Variants in ARHGEF2 observed in about 807,000 individuals in gnomAD.
ARHGEF2 encodes the protein Rho/Rac guanine nucleotide exchange factor 2, also known as rho guanine nucleotide exchange factor 2.
A neutral mutation model predicts 121.0 loss-of-function variants in ARHGEF2; 22 were observed. The ratio of observed to expected loss-of-function variants is 0.18; its 90% CI spans 0.13 to 0.26. The LOEUF is 0.26. ARHGEF2 is among the 10% of genes least tolerant of loss of function. The pLI, the probability that ARHGEF2 is intolerant of heterozygous loss-of-function variation, is 1.00. For missense variants in ARHGEF2, 907 were observed against 1,336.0 expected (o/e 0.68, Z 5.01); for synonymous variants, 487 against 530.0 (o/e 0.92, Z 1.11).
chr1:155,947,175 A>ATAGG lies in ARHGEF2; in HGVS notation c.*763_*766dup. ...CCTCAACTTCTTCAGAGATGTGGAG[A>ATAGG]TAGGAGGCTTCGATCTCTAATTGCC... On this transcript the variant is annotated 3_prime_UTR_variant, in exon 22 of 22. Transcript: ENST00000361247. 1 of 362,598 alleles carries ATAGG rather than the reference A, an allele frequency of 2.8e-6. No homozygotes were observed. The highest frequency in any genetic ancestry group is 5.4e-6 in the Non-Finnish European group (1 of 183,730). The allele number at this position is 362,598 out of a possible 1,614,324, so 22.5% of individuals were successfully genotyped here. A position where few individuals can be genotyped will look rare whatever the true frequency, so the allele number is the denominator to read the frequency against.
chr1:155,967,916 G>T (rs1679736409), intron 2 of ARHGEF2, among the ~76,000 whole-genome samples: 1 of 152,100 alleles, frequency 6.6e-6, no homozygotes, highest in African/African-American at 2.4e-5. Flanking sequence ...AGGCAAACAG[G>T]GTGGAGCAGA....
At chr1:155,964,176 A>ATATATATATATATG (rs1678773130) in intron 7 of ARHGEF2, among the ~76,000 whole-genome samples, 2 of 95,520 alleles carry the variant, frequency 2.1e-5, no homozygotes, top group Non-Finnish European at 3.8e-5. Context: ...AAATATATAT[A>ATATATATATATATG]TATATATATA....
chr1:155,962,875 C>T lies in ARHGEF2; in HGVS notation c.975+58G>A, dbSNP rs1401787216. The T allele has an allele frequency of 5.6e-6, 9 of 1,608,328 alleles. No individual in the cohort carries two copies. The Admixed American group carries it at 1.5e-4, about 27-fold the overall frequency. On this transcript the variant is annotated intron_variant, in intron 8 of 21. Transcript: ENST00000361247. The surrounding 1 kb of genome is among the most constrained non-coding windows in gnomAD (Gnocchi z 5.8). ...CCCTAGAATTTGGACCCAAGAAATGCCCAACCCAGTCACACCTCCTTCCAT... is the reference window on the plus strand; with the variant it reads ...CCCTAGAATTTGGACCCAAGAAATGTCCAACCCAGTCACACCTCCTTCCAT...
intron 1 of ARHGEF2, 98 bp from the exon 2 acceptor site, chr1:155,969,398 G>C (rs1176309096): frequency 3.2e-6 from 5 of 1,551,776 alleles, no homozygotes; most frequent in Non-Finnish European, 4.4e-6. Flanking sequence ...AGGAAAAAAT[G>C]CCAGCCTGAG....
chr1:155,964,180 A>ACG (rs1678791221), intron 7 of ARHGEF2, among the ~76,000 whole-genome samples: 2 of 101,578 alleles, frequency 2.0e-5, no homozygotes, highest in Admixed American at 2.6e-4. Context: ...ATATATATAT[A>ACG]TATATATATA....
Position 155,952,715 on chromosome 1 carries a change from G to T in ARHGEF2, c.1897C>A (p.Leu633Met). The change falls in exon 15 of 22, where the codon CTG (leucine) becomes ATG (methionine). Residue 633 changes from leucine to methionine, a missense_variant. Leu to Met is a conservative substitution (Grantham distance 15). This residue lies in a region of ARHGEF2 where 432 missense variants were observed against 559.5 expected (regional missense o/e 0.77). Coordinates refer to ENST00000361247, the MANE Select transcript of ARHGEF2 (RefSeq NM_001162383.2). The part of the protein sequence containing the change: ...AEEDGGSGMA[L>M]PTLPRGLFRS... ...AAAAGGCCCCTGGGCAGGGTGGGCA[G>T]GGCCATCCCACTGCCACCATCCTCT... is the stretch of plus-strand genomic sequence containing the variant. 1 of 1,614,228 alleles carries T rather than the reference G, an allele frequency of 6.2e-7. No individual in the cohort carries two copies. Among genetic ancestry groups the T allele is most frequent in the Non-Finnish European group, 8.5e-7 (1 of 1,180,040 alleles).
intron 1 of ARHGEF2, among the ~76,000 whole-genome samples, chr1:155,977,231 G>A (rs562500281): frequency 5.9e-5 from 9 of 152,202 alleles, no homozygotes; most frequent in South Asian, 2.1e-4. Flanking sequence ...GGTACAGTGC[G>A]GGGGCCCCAA....
At position 155,965,453 on chromosome 1, in the gene ARHGEF2, C is replaced by T. The variant is rs2297649; in HGVS notation, c.471-41G>A. The stretch of plus-strand genomic sequence containing the variant: ...GCTGTCTGCATCACCCCCAGTCGGG[C>T]AAAAGATCCCTTCCCAGGTAGGGAA... On this transcript the variant is annotated intron_variant, in intron 5 of 21. Coordinates refer to ENST00000361247, the MANE Select transcript of ARHGEF2 (RefSeq NM_001162383.2). The surrounding 1 kb of genome is among the most constrained non-coding windows in gnomAD (Gnocchi z 6.0). 6.2e-7 allele frequency: 1 copy of T among 1,604,184 alleles called. No individual in the cohort carries two copies. Among genetic ancestry groups the T allele is most frequent in the Non-Finnish European group, 8.5e-7 (1 of 1,171,564 alleles).
chr1:155,965,587 C>T lies in ARHGEF2; in HGVS notation c.470+44G>A, dbSNP rs1181607424. 1.2e-6 allele frequency: 2 copies of T among 1,611,524 alleles called. No homozygotes were observed. The highest frequency in any genetic ancestry group is 8.5e-7 in the Non-Finnish European group (1 of 1,179,696). On this transcript the variant is annotated intron_variant, in intron 5 of 21. Coordinates refer to ENST00000361247, the MANE Select transcript of ARHGEF2 (RefSeq NM_001162383.2). The surrounding 1 kb of genome is among the most constrained non-coding windows in gnomAD (Gnocchi z 6.0). ...CCTCTCAGCACCCCCTTGGCCTCCA[C>T]TGCCACACTCTCTGGCTGCCCCTTT... is the stretch of plus-strand genomic sequence containing the variant.
At position 155,951,032 on chromosome 1, in the gene ARHGEF2, T is replaced by C. The variant is rs1291202135; in HGVS notation, c.2500A>G (p.Ser834Gly). ...CTCTCCCGGAGCCGGGCCTCCAGGCTGCCAGCTTCGGTTGCCCGTTCTTCA... is the reference window on the plus strand; with the variant it reads ...CTCTCCCGGAGCCGGGCCTCCAGGCCGCCAGCTTCGGTTGCCCGTTCTTCA... ...LGEERATEAG[S>G]LEARLRESEQ... is the part of the protein sequence containing the mutation. The change falls in exon 20 of 22, where the codon AGC (serine) becomes GGC (glycine). Residue 834 changes from serine (S) to glycine (G), a missense_variant. Ser to Gly is a moderately conservative substitution (Grantham distance 56). Coordinates refer to ENST00000361247, the MANE Select transcript of ARHGEF2 (RefSeq NM_001162383.2). The surrounding 1 kb of genome is among the most constrained non-coding windows in gnomAD (Gnocchi z 5.1). The C allele has an allele frequency of 6.2e-7, 1 of 1,604,072 alleles. No individual in the cohort carries two copies. Among genetic ancestry groups the C allele is most frequent in the South Asian group, 1.1e-5 (1 of 90,398 alleles).
chr1:155,964,174 A>AAATG, intron 7 of ARHGEF2, among the ~76,000 whole-genome samples: 1 of 78,746 alleles, frequency 1.3e-5, no homozygotes, highest in Non-Finnish European at 2.2e-5. Context: ...AAAAATATAT[A>AAATG]TATATATATA....
chr1:155,966,340 G>A (rs1422912785), intron 4 of ARHGEF2, 76 bp downstream of exon 4: 1 of 1,422,106 alleles, frequency 7.0e-7, no homozygotes. Flanking sequence ...AACCTTAGTG[G>A]GGCAGCAGAG....
intron 7 of ARHGEF2, among the ~76,000 whole-genome samples, chr1:155,963,507 G>A (rs527783137): frequency 5.2e-4 from 79 of 151,170 alleles, no homozygotes; most frequent in Admixed American, 1.3e-3. Flanking sequence ...CACCAGGCCC[G>A]GCTAATTTTT....
rs1679185593 is a variant in ARHGEF2 at position 155,965,486 on chromosome 1, CAG to C, written c.471-76_471-75del. 1.9e-6 allele frequency: 3 copies of C among 1,599,884 alleles called. No homozygotes were observed. The South Asian group carries it at 3.3e-5, about 18-fold the overall frequency. ...CCCTTCCCAGGTAGGGAACCAAAGCCAGGATCCAAGAGGCGGTCCCCCTAAGT... is the reference window on the plus strand; with the variant it reads ...CCCTTCCCAGGTAGGGAACCAAAGCCGATCCAAGAGGCGGTCCCCCTAAGT... On this transcript the variant is annotated intron_variant, in intron 5 of 21. Transcript: ENST00000361247. This position sits in a 1 kb window ranked among gnomAD's most constrained non-coding sequence, Gnocchi z 6.0.
chr1:155,967,255 A>G (rs1261630061), intron 2 of ARHGEF2, among the ~76,000 whole-genome samples: 1 of 152,184 alleles, frequency 6.6e-6, no homozygotes, highest in African/African-American at 2.4e-5. Flanking sequence ...ACTCCCACAG[A>G]ACAGAAGATG....
Position 155,963,024 on chromosome 1 carries a change from C to T in ARHGEF2, c.884G>A (p.Ser295Asn). Residue 295 changes from serine (S) to asparagine (N), a missense_variant, in exon 8 of 22, where the codon AGC becomes AAC. Transcript: ENST00000361247. ...CTGGCGTCGGCGTTCTAATAGCTGG[C>T]TGAGGAAGCGTGTATGGATGTCACT... ...ELSDIHTRFL[S>N]QLLERRRQAL... The T allele has an allele frequency of 3.1e-6, 5 of 1,614,160 alleles. No individual in the cohort carries two copies. In the East Asian group the frequency reaches 6.7e-5, roughly 22 times the overall value.
chr1:155,978,704 TC>T (rs1415771414), upstream of ARHGEF2: 7 of 895,900 alleles, frequency 7.8e-6, no homozygotes. This position sits in a 1 kb window ranked among gnomAD's most constrained non-coding sequence, Gnocchi z 4.1. Flanking sequence ...GGTACGAGGG[TC>T]CTAGGACAGG....
intron 1 of ARHGEF2, 92 bp from the exon 2 acceptor site, chr1:155,969,392 A>C (rs1680045661): frequency 6.4e-7 from 1 of 1,564,064 alleles, no homozygotes; most frequent in Non-Finnish European, 8.7e-7. Flanking sequence ...GAGGCAAGGA[A>C]AAAATGCCAG....
At chr1:155,954,306 T>G (rs1288739845) in intron 14 of ARHGEF2, among the ~76,000 whole-genome samples, 15 of 113,028 alleles carry the variant, frequency 1.3e-4, no homozygotes, top group Non-Finnish European at 1.9e-4. Context: ...TTTTTTGAGA[T>G]GGAGTCTCCC....
Sources: allele counts gnomAD v4.1 joint callset (sites outside exome capture counted in the v4.1 genomes callset), GRCh38; gene constraint gnomAD v4.1.1; regional missense constraint gnomAD v4.1.1; non-coding constraint Gnocchi (gnomAD v3.1); transcripts MANE v1.5; gene names NCBI Gene and HGNC (gene_info 2026-07-23, HGNC 2026-07-21).